Variants in MAP2K2 observed in about 807,000 individuals in gnomAD.
MAP2K2 encodes the protein dual specificity mitogen-activated protein kinase kinase 2.
In MAP2K2, 24 loss-of-function variants were observed where a neutral mutation model predicts 43.7. The observed-to-expected ratio is 0.55, with a 90% CI of 0.40 to 0.77. The LOEUF (loss-of-function observed/expected upper bound fraction) is 0.77, where lower values mean the gene tolerates loss of function less well. MAP2K2 is among the 30% of genes least tolerant of loss of function. MAP2K2 has a pLI of 0.00. For synonymous variants in MAP2K2, 244 were observed against 239.7 expected (o/e 1.02, Z -0.17); for missense variants, 470 against 566.8 (o/e 0.83, Z 1.73).
chr19:4,116,154 A>C lies in MAP2K2; in HGVS notation c.303+1265T>G, dbSNP rs1235606359. Among the ~76,000 whole-genome samples the C allele has an allele frequency of 2.0e-5, 3 of 152,084 alleles. No individual in the cohort carries two copies. In the East Asian group the frequency reaches 5.8e-4, roughly 29 times the overall value. On this transcript the variant is annotated intron_variant, in intron 2 of 10. Coordinates refer to ENST00000262948, the MANE Select transcript of MAP2K2 (RefSeq NM_030662.4). ...AAGGTATGTTTTTAAGATGTGATTA[A>C]CCTTTAAATTGGCAGACTCTGAGCA...
chr19:4,123,766 T>A lies in MAP2K2; in HGVS notation c.92+18A>T, dbSNP rs776237125. On this transcript the variant is annotated intron_variant, in intron 1 of 10. Coordinates refer to ENST00000262948, the MANE Select transcript of MAP2K2 (RefSeq NM_030662.4). ...GCCCCGTGCACCCCAAGCCTCCGGC[T>A]GACCCCTGCCCACTCACTCGGAGGC... 6.6e-7 allele frequency: 1 copy of A among 1,524,758 alleles called. No homozygotes were observed. Among genetic ancestry groups the A allele is most frequent in the Non-Finnish European group, 8.8e-7 (1 of 1,137,374 alleles). The allele number at this position is 1,524,758 out of a possible 1,614,324, so 94.5% of individuals were successfully genotyped here. A position where few individuals can be genotyped will look rare whatever the true frequency, so the allele number is the denominator to read the frequency against.
At chr19:4,097,224 A>AG in intron 8 of MAP2K2, 55 bp downstream of exon 8, 5 of 1,247,246 alleles carry the variant, frequency 4.0e-6, no homozygotes, top group Non-Finnish European at 5.6e-6. Context: ...AAAAAAAAAA[A>AG]AAAAGAAAGA....
intron 1 of MAP2K2, among the ~76,000 whole-genome samples, chr19:4,120,759 C>A (rs1158745831): frequency 6.6e-6 from 1 of 152,170 alleles, no homozygotes; most frequent in Non-Finnish European, 1.5e-5. Flanking sequence ...CAAAACAAAA[C>A]CTTGGCGTCC....
In MAP2K2 at chr19:4,101,150, G is replaced by A. The variant is rs1027563581; in HGVS notation, c.581-7C>T. On this transcript the variant is annotated splice_region_variant and splice_polypyrimidine_tract_variant and intron_variant, in intron 5 of 10. Coordinates refer to ENST00000262948, the MANE Select transcript of MAP2K2 (RefSeq NM_030662.4). The surrounding 1 kb of genome is among the most constrained non-coding windows in gnomAD (Gnocchi z 6.3). ...ATGTTGGAGGGCTTCACATCTGGAGGCGGCAGGCTGCGGGTGAGGGGCGCC... is the reference window on the plus strand; with the variant it reads ...ATGTTGGAGGGCTTCACATCTGGAGACGGCAGGCTGCGGGTGAGGGGCGCC... The A allele has an allele frequency of 1.2e-6, 2 of 1,606,904 alleles. No individual in the cohort carries two copies. Among genetic ancestry groups the A allele is most frequent in the Non-Finnish European group, 1.7e-6 (2 of 1,177,010 alleles).
rs368064728 is a variant in MAP2K2, at chr19:4,099,314, G to A, written c.806C>T (p.Pro269Leu). ...GGCCTCCAGCTCTTTGGCGTCGGGC[G>A]GGGGGATGGGGTACCTTCCGACGGC... ...ELAVGRYPIPPPDAKELEAIF... is the reference protein window; with the variant it reads ...ELAVGRYPIPLPDAKELEAIF... Residue 269 changes from proline (P) to leucine (L), a missense_variant, in exon 7 of 11, where the codon CCG becomes CTG. Pro to Leu is a moderately conservative substitution (Grantham distance 98). Around this residue, in one of 3 missense-constraint regions of MAP2K2, gnomAD observed 212 missense variants for 220.8 expected, o/e 0.96. Coordinates refer to ENST00000262948, the MANE Select transcript of MAP2K2 (RefSeq NM_030662.4). 77 of 1,607,542 alleles carry A rather than the reference G, an allele frequency of 4.8e-5. No homozygotes were observed. In the East Asian group the frequency reaches 1.1e-3, roughly 23 times the overall value.
In MAP2K2 at chr19:4,115,127, G is replaced by C. The variant is rs191399658; in HGVS notation, c.303+2292C>G. On this transcript the variant is annotated intron_variant, in intron 2 of 10. Transcript: ENST00000262948. The surrounding 1 kb of genome is among the most constrained non-coding windows in gnomAD (Gnocchi z 4.1). ...CACAGGAAGTTGCAAAAATAGTAAC[G>C]AGAGTCCCGTGCGCCCTTTCCCCGC... 3.3e-5 allele frequency among the ~76,000 whole-genome samples: 5 copies of C among 152,020 alleles called. No homozygotes were observed. Among genetic ancestry groups the C allele is most frequent in the African/African-American group, 9.7e-5 (4 of 41,376 alleles).
At chr19:4,093,969 G>A (rs1438944394) in intron 10 of MAP2K2, among the ~76,000 whole-genome samples, 1 of 152,124 alleles carries the variant, frequency 6.6e-6, no homozygotes, top group Non-Finnish European at 1.5e-5. Flanking sequence ...GGGGAGGCGA[G>A]TTTTGGTGAA....
chr19:4,113,114 G>A (rs994556720), intron 2 of MAP2K2, among the ~76,000 whole-genome samples: 4 of 152,174 alleles, frequency 2.6e-5, no homozygotes, highest in African/African-American at 7.2e-5. Context: ...AGGAAAGAGC[G>A]CGCGTTCGGC....
intron 1 of MAP2K2, among the ~76,000 whole-genome samples, chr19:4,119,762 C>G (rs146257020): frequency 1.6e-4 from 24 of 152,330 alleles, no homozygotes; most frequent in African/African-American, 4.8e-4. Context: ...TCTGGAAGAA[C>G]AGGCCACCTC....
At chr19:4,112,166 C>T (rs1263856468) in intron 2 of MAP2K2, among the ~76,000 whole-genome samples, 1 of 152,354 alleles carries the variant, frequency 6.6e-6, no homozygotes, top group East Asian at 1.9e-4. Context: ...CACTCATCCG[C>T]CACAGAGGCA....
At chr19:4,102,165 G>A (rs780523942) in intron 4 of MAP2K2, among the ~76,000 whole-genome samples, 15 of 152,138 alleles carry the variant, frequency 9.9e-5, no homozygotes, top group Admixed American at 2.6e-4. Context: ...GACCTATAAC[G>A]TCTTCACTTG....
intron 3 of MAP2K2, among the ~76,000 whole-genome samples, chr19:4,109,013 TGCTGC>T (rs2041123639): frequency 6.6e-6 from 1 of 152,112 alleles, no homozygotes; most frequent in African/African-American, 2.4e-5. Context: ...CCAAGGCGGG[TGCTGC>T]CTTGCTCGGG....
intron 3 of MAP2K2, chr19:4,102,680 G>A (rs181434213): frequency 3.1e-4 from 339 of 1,089,390 alleles, no homozygotes; most frequent in Admixed American, 1.3e-3. Flanking sequence ...GGGTTCCCCC[G>A]CCTCCCGTCC....
chr19:4,119,198 C>T (rs1231803238), intron 1 of MAP2K2, among the ~76,000 whole-genome samples: 1 of 152,008 alleles, frequency 6.6e-6, no homozygotes, highest in Non-Finnish European at 1.5e-5. Flanking sequence ...TCATGTCTGG[C>T]TCTTTTTAAT....
At chr19:4,111,629 A>T (rs894759616) in intron 2 of MAP2K2, among the ~76,000 whole-genome samples, 41 of 152,318 alleles carry the variant, frequency 2.7e-4, no homozygotes, top group Admixed American at 9.2e-4. Flanking sequence ...GTGCCACTTT[A>T]AAAAGGCAAG....
At chr19:4,094,551 C>T (rs553709839) in intron 9 of MAP2K2, 53 bp from the exon 10 acceptor site, 1 of 1,544,066 alleles carries the variant, frequency 6.5e-7, no homozygotes, top group African/African-American at 1.4e-5. Flanking sequence ...CAAGACAGGG[C>T]AGTCAGCTGG....
At position 4,090,638 on chromosome 19, in the gene MAP2K2, C is replaced by T. The variant is rs749615795; in HGVS notation, c.1163G>A (p.Arg388Gln). The change falls in exon 11 of 11, where the codon CGG becomes CAG. Residue 388 changes from arginine to glutamine, a missense_variant. This residue lies in a region of MAP2K2 where 212 missense variants were observed against 220.8 expected (regional missense o/e 0.96). Transcript: ENST00000262948. ...CGTGGGTGTGCCGGGCTGGTTCAGC[C>T]GCAGGGTTTTACACAACCAGCCGGC... ...DFAGWLCKTL[R>Q]LNQPGTPTRT... 49 of 1,555,678 alleles carry T rather than the reference C, an allele frequency of 3.1e-5. No individual in the cohort carries two copies. The highest frequency in any genetic ancestry group is 2.9e-4 in the East Asian group (12 of 41,382).
chr19:4,101,404 G>T lies in MAP2K2; in HGVS notation c.529-124C>A. On this transcript the variant is annotated intron_variant, in intron 4 of 10. Coordinates refer to ENST00000262948, the MANE Select transcript of MAP2K2 (RefSeq NM_030662.4). The surrounding 1 kb of genome is among the most constrained non-coding windows in gnomAD (Gnocchi z 6.3). ...GGGAGCTGCGGCAGGAACCATTTCA[G>T]GCTGTGAGGAGCTCGCTGGGGTGGA... 1 of 1,094,590 alleles carries T rather than the reference G, an allele frequency of 9.1e-7. No individual in the cohort carries two copies. Among genetic ancestry groups the T allele is most frequent in the Non-Finnish European group, 1.4e-6 (1 of 733,012 alleles). 67.8% of individuals were successfully genotyped at this position (1,094,590 alleles called of 1,614,324 possible).
chr19:4,096,208 A>G (rs1012987604), intron 8 of MAP2K2, among the ~76,000 whole-genome samples: 4 of 152,186 alleles, frequency 2.6e-5, no homozygotes, highest in African/African-American at 7.2e-5. Flanking sequence ...AGGGGCGGGA[A>G]GAGGCGGGGG....
Sources: allele counts gnomAD v4.1 joint callset (sites outside exome capture counted in the v4.1 genomes callset), GRCh38; gene constraint gnomAD v4.1.1; regional missense constraint gnomAD v4.1.1; non-coding constraint Gnocchi (gnomAD v3.1); transcripts MANE v1.5; gene names NCBI Gene and HGNC (gene_info 2026-07-23, HGNC 2026-07-21).